The following FAS variants were observed in gnomAD, a reference collection of about 807,000 sequenced individuals.
FAS encodes tumor necrosis factor receptor superfamily member 6.
Under a neutral mutation model 33.2 loss-of-function variants are expected in FAS, and 5 were observed. That is an observed-to-expected ratio of 0.15 (90% CI 0.08 to 0.32). FAS has a LOEUF of 0.32. FAS is among the 10% of genes least tolerant of loss of function. The pLI is 1.00. For synonymous variants in FAS, 131 were observed against 130.7 expected (o/e 1.00, Z -0.01); for missense variants, 339 against 386.0 (o/e 0.88, Z 1.02).
intron 2 of FAS, among the ~76,000 whole-genome samples, chr10:89,006,202 G>A (rs1331861996): frequency 6.6e-6 from 1 of 152,154 alleles, no homozygotes; most frequent in African/African-American, 2.4e-5. Context: ...TCAGAGACCA[G>A]TATAATACCA....
intron 2 of FAS, among the ~76,000 whole-genome samples, chr10:88,977,075 T>C (rs1420641477): frequency 6.6e-6 from 1 of 152,244 alleles, no homozygotes; most frequent in Non-Finnish European, 1.5e-5. Flanking sequence ...GACTGAATTG[T>C]TAAAAAATTT....
chr10:88,990,566 G>C (rs1564669312), upstream of FAS: 1 of 648,190 alleles, frequency 1.5e-6, no homozygotes, highest in South Asian at 1.5e-5. The surrounding 1 kb of genome is among the most constrained non-coding windows in gnomAD (Gnocchi z 4.9). Context: ...TGAATCAATG[G>C]AGCCCTCCCC....
chr10:88,997,718 A>G (rs909230147), intron 1 of FAS, among the ~76,000 whole-genome samples: 4 of 152,174 alleles, frequency 2.6e-5, no homozygotes, highest in Non-Finnish European at 4.4e-5. Flanking sequence ...TCAATAATAA[A>G]CTATTAGTCT....
At chr10:89,002,931 G>A in intron 1 of FAS, 98 bp from the exon 2 acceptor site, 3 of 1,283,198 alleles carry the variant, frequency 2.3e-6, no homozygotes, top group Non-Finnish European at 2.2e-6. Flanking sequence ...CTTTGCCTGT[G>A]CACAGCAGAT....
intron 3 of FAS, 89 bp from the exon 4 acceptor site, chr10:89,008,800 T>C (rs1326617944): frequency 2.5e-6 from 3 of 1,206,704 alleles, no homozygotes; most frequent in African/African-American, 3.0e-5. Context: ...GCAGTGGATC[T>C]CAAAAATCCA....
intron 1 of FAS, among the ~76,000 whole-genome samples, chr10:88,996,265 C>G (rs113077174): frequency 2.6e-5 from 3 of 114,166 alleles, no homozygotes; most frequent in African/African-American, 1.3e-4. Flanking sequence ...TCCTAATTAA[C>G]TGGTTGTTGT....
intron 2 of FAS, among the ~76,000 whole-genome samples, chr10:88,979,192 G>A (rs1846647724): frequency 6.6e-6 from 1 of 152,018 alleles, no homozygotes; most frequent in Non-Finnish European, 1.5e-5. Context: ...GGGTTATGAT[G>A]TTGTGTATGA....
At chr10:88,988,055 T>C (rs973125647), upstream of FAS, among the ~76,000 whole-genome samples, 1 of 152,210 alleles carries the variant, frequency 6.6e-6, no homozygotes, top group African/African-American at 2.4e-5. Context: ...TGTTGGCCAA[T>C]GCTAAAGTTT....
intron 4 of FAS, 117 bp from the exon 5 acceptor site, chr10:89,010,422 C>T (rs1215494259): frequency 1.7e-5 from 13 of 778,538 alleles, no homozygotes; most frequent in Admixed American, 4.2e-5. Context: ...TGAAGGAATA[C>T]GTTTGCCAGA....
chr10:88,992,816 C>A (rs906819023), intron 1 of FAS, among the ~76,000 whole-genome samples: 1 of 152,144 alleles, frequency 6.6e-6, no homozygotes, highest in African/African-American at 2.4e-5. Context: ...GTTTTGCGCT[C>A]ACGACATGCC....
At chr10:89,010,725 A>G (rs1848487412) in intron 5 of FAS, 28 bp from the exon 6 acceptor site, 3 of 1,613,760 alleles carry the variant, frequency 1.9e-6, no homozygotes, top group South Asian at 2.2e-5. Context: ...TTATTTTCAT[A>G]TAAAATGTCC....
At chr10:89,002,174 G>C (rs1411103471) in intron 1 of FAS, among the ~76,000 whole-genome samples, 2 of 152,186 alleles carry the variant, frequency 1.3e-5, no homozygotes, top group Non-Finnish European at 2.9e-5. Flanking sequence ...AAATGGAGTT[G>C]TTTGCATACC....
chr10:88,993,786 C>A (rs567911411), intron 1 of FAS, among the ~76,000 whole-genome samples: 3 of 98,478 alleles, frequency 3.0e-5, no homozygotes, highest in Non-Finnish European at 2.0e-5. Context: ...GCCAACCTAA[C>A]GAACATATTG....
chr10:89,012,011 A>T lies in FAS; in HGVS notation c.581A>T (p.Glu194Val). ...TTTGTTCTTTCAGTGAAGAGAAAGG[A>T]AGTACAGAAAACATGCAGAAAGCAC... is the stretch of plus-strand genomic sequence containing the variant. ...IPLIVWVKRK[E>V]VQKTCRKHRK... is the part of the protein sequence containing the mutation. Residue 194 changes from glutamate to valine, a missense_variant, in exon 7 of 9, where the codon GAA (glutamate) becomes GTA (valine). Glu to Val is a moderately radical substitution (Grantham distance 121). Transcript: ENST00000652046. 1 of 1,613,960 alleles carries T rather than the reference A, an allele frequency of 6.2e-7. No individual in the cohort carries two copies. The highest frequency in any genetic ancestry group is 2.2e-5 in the East Asian group (1 of 44,870).
intron 1 of FAS, among the ~76,000 whole-genome samples, chr10:88,994,113 A>G (rs952647147): frequency 6.6e-6 from 1 of 152,246 alleles, no homozygotes; most frequent in Non-Finnish European, 1.5e-5. Flanking sequence ...GCTCTTTGAG[A>G]CACTGGACAA....
At chr10:88,981,223 C>T (rs1359234980) in intron 2 of FAS, among the ~76,000 whole-genome samples, 2 of 152,200 alleles carry the variant, frequency 1.3e-5, no homozygotes, top group African/African-American at 4.8e-5. Flanking sequence ...TTAAACTCAC[C>T]TAACCTATGT....
At chr10:88,987,305 T>C (rs1846929786), upstream of FAS, among the ~76,000 whole-genome samples, 1 of 152,240 alleles carries the variant, frequency 6.6e-6, no homozygotes, top group African/African-American at 2.4e-5. Context: ...CTGATCAAAG[T>C]TCTGATAATT....
intron 1 of FAS, among the ~76,000 whole-genome samples, chr10:88,994,335 TG>T (rs1847452423): frequency 6.6e-6 from 1 of 152,234 alleles, no homozygotes; most frequent in Admixed American, 6.5e-5. Context: ...TAATTGCTTT[TG>T]GCAAATTATC....
chr10:89,000,308 A>C (rs1847848677), intron 1 of FAS, among the ~76,000 whole-genome samples: 1 of 152,210 alleles, frequency 6.6e-6, no homozygotes, highest in African/African-American at 2.4e-5. Context: ...TCAAATACTA[A>C]GTTGCTGTTA....
Sources: gnomAD v4.1 joint callset for allele counts (sites outside exome capture counted in the v4.1 genomes callset) on GRCh38, gnomAD v4.1.1 for gene constraint, Gnocchi (gnomAD v3.1) non-coding constraint, MANE v1.5 for transcripts, NCBI Gene and HGNC (gene_info 2026-07-23, HGNC 2026-07-21) for gene names.